The following FBXW10 variants were observed in gnomAD, a reference collection of about 807,000 sequenced individuals.
FBXW10 encodes the protein F-box/WD repeat-containing protein 10.
FBXW10 carries 68 observed loss-of-function variants against 113.1 expected under a neutral mutation model. The ratio of observed to expected loss-of-function variants is 0.60; its 90% CI spans 0.49 to 0.74. The LOEUF (loss-of-function observed/expected upper bound fraction) is 0.74, where lower values mean the gene tolerates loss of function less well. FBXW10 is among the 30% of genes least tolerant of loss of function. The pLI, the probability that FBXW10 is intolerant of heterozygous loss-of-function variation, is 0.00. For synonymous variants in FBXW10, 289 were observed against 481.6 expected, an observed-to-expected ratio of 0.60 and a Z score of 5.24; for missense variants, 753 against 1,284.5, an observed-to-expected ratio of 0.59 and a Z score of 6.32.
At position 18,766,674 on chromosome 17, in the gene FBXW10, T is replaced by C. The variant is rs756627325; in HGVS notation, c.1556-40T>C. 4 of 1,602,074 alleles carry C rather than the reference T, an allele frequency of 2.5e-6. No homozygotes were observed. The African/African-American group carries it at 5.4e-5, about 21-fold the overall frequency. On this transcript the variant is annotated intron_variant, in intron 8 of 13. Transcript: ENST00000395665. ...TGTAACCTTTCCTTTTCCCCCTTTTTCCCCACTCCCATGTCTTCCTCTCTC... is the reference window on the plus strand; with the variant it reads ...TGTAACCTTTCCTTTTCCCCCTTTTCCCCCACTCCCATGTCTTCCTCTCTC...
Position 18,772,453 on chromosome 17 carries a change from T to C in FBXW10, c.2048T>C (p.Phe683Ser), listed in dbSNP as rs1420593511. 4 of 1,614,118 alleles carry C rather than the reference T, an allele frequency of 2.5e-6. No individual in the cohort carries two copies. Among genetic ancestry groups the C allele is most frequent in the South Asian group, 1.1e-5 (1 of 91,072 alleles). The change falls in exon 12 of 14, where the codon TTT becomes TCT. Residue 683 changes from phenylalanine (F) to serine (S), a missense_variant. Transcript: ENST00000395665. ...NTESNVLMFQ[F>S]EHIKWQYAVE... is the part of the protein sequence containing the mutation. ...GAGAGCAATGTTCTCATGTTCCAGT[T>C]TGAGCACATAAAGTGGCAGTATGCC...
intron 5 of FBXW10, among the ~76,000 whole-genome samples, chr17:18,752,273 T>C (rs142357409): frequency 0.017 from 2,647 of 152,220 alleles, 73 homozygotes; most frequent in African/African-American, 0.058. Flanking sequence ...CTAATTATTG[T>C]CTTGAGAGAT....
chr17:18,756,182 T>G (rs1208674390), intron 6 of FBXW10, 28 bp downstream of exon 6: 4 of 1,605,570 alleles, frequency 2.5e-6, no homozygotes, highest in Non-Finnish European at 3.4e-6. Context: ...AATCTGGGTC[T>G]CTAGGGATGC....
At chr17:18,749,968 G>T (rs762433594) in intron 3 of FBXW10, 42 bp from the exon 4 acceptor site, 3 of 1,613,934 alleles carry the variant, frequency 1.9e-6, no homozygotes, top group Admixed American at 3.3e-5. Flanking sequence ...CTCCCCTCTT[G>T]GCCCAGTTCT....
chr17:18,747,117 G>A (rs564553540), intron 1 of FBXW10, among the ~76,000 whole-genome samples: 1 of 151,978 alleles, frequency 6.6e-6, no homozygotes, highest in African/African-American at 2.4e-5. Flanking sequence ...TAATAGAGAC[G>A]GGGTTTCACC....
At chr17:18,773,145 C>T (rs2035647602) in intron 12 of FBXW10, among the ~76,000 whole-genome samples, 1 of 151,850 alleles carries the variant, frequency 6.6e-6, no homozygotes, top group South Asian at 2.1e-4. Context: ...GTTGATCAGG[C>T]TGGTCTCAAA....
At position 18,778,545 on chromosome 17, in the gene FBXW10, G is replaced by T. The variant is rs766712663; in HGVS notation, c.2406G>T (p.Lys802Asn). The T allele has an allele frequency of 6.2e-7, 1 of 1,605,024 alleles. No individual in the cohort carries two copies. ...CTGGAAAACTGCCCAGTCACCCAAA[G>T]AAAAAGTCTTGGAAAATCCCTATGT... is the stretch of plus-strand genomic sequence containing the variant. ...ETPGKLPSHP[K>N]KKSWKIPMSP... Residue 802 changes from lysine (K) to asparagine (N), a missense_variant, in exon 14 of 14, where the codon AAG becomes AAT. Physicochemically the swap from Lys to Asn is moderately conservative, Grantham distance 94. Coordinates refer to ENST00000395665, the MANE Select transcript of FBXW10 (RefSeq NM_001267585.2).
In FBXW10 at chr17:18,769,995, T is replaced by C; in HGVS notation, c.1916T>C (p.Ile639Thr). The change falls in exon 11 of 14, where the codon ATT becomes ACT. Residue 639 changes from isoleucine (I) to threonine (T), a missense_variant. By Grantham distance (89) the Ile-to-Thr change is moderately conservative. Transcript: ENST00000395665. Reference sequence around the variant, plus strand: ...GCCTGTGCAGATGGCAAGATCCGAATTTACAATTTCCTCAACGGGAACTGT... The same window carrying C: ...GCCTGTGCAGATGGCAAGATCCGAACTTACAATTTCCTCAACGGGAACTGT... ...ISACADGKIRIYNFLNGNCMK... is the reference protein window; with the variant it reads ...ISACADGKIRTYNFLNGNCMK... The C allele has an allele frequency of 6.2e-7, 1 of 1,614,216 alleles. No homozygotes were observed. The highest frequency in any genetic ancestry group is 1.6e-4 in the Middle Eastern group (1 of 6,062).
intron 5 of FBXW10, among the ~76,000 whole-genome samples, chr17:18,754,089 T>C (rs2035218182): frequency 6.6e-6 from 1 of 152,016 alleles, no homozygotes; most frequent in South Asian, 2.1e-4. Context: ...GATTTCACCA[T>C]AGATCGAGGA....
intron 2 of FBXW10, 80 bp from the exon 3 acceptor site, chr17:18,749,642 C>T (rs1410270944): frequency 6.2e-7 from 1 of 1,601,132 alleles, no homozygotes; most frequent in Non-Finnish European, 8.5e-7. Context: ...TCTGGGAGAG[C>T]TTTTGGTGGG....
At chr17:18,776,957 T>C (rs1366360939) in intron 13 of FBXW10, among the ~76,000 whole-genome samples, 2 of 151,674 alleles carry the variant, frequency 1.3e-5, no homozygotes, top group Non-Finnish European at 2.9e-5. Flanking sequence ...GACAAATTAA[T>C]AAACAATGAG....
chr17:18,777,645 G>C (rs924884336), intron 13 of FBXW10, among the ~76,000 whole-genome samples: 8 of 151,288 alleles, frequency 5.3e-5, no homozygotes, highest in Admixed American at 5.3e-4. Flanking sequence ...CTGGGTTCAT[G>C]CCATTCTCCT....
At chr17:18,772,712 G>C in intron 12 of FBXW10, 29 bp downstream of exon 12, 1 of 1,596,916 alleles carries the variant, frequency 6.3e-7, no homozygotes. Flanking sequence ...AGCAAGTTCA[G>C]TGATAACCCA....
chr17:18,765,590 C>T (rs1315365040), intron 8 of FBXW10, among the ~76,000 whole-genome samples: 1 of 152,154 alleles, frequency 6.6e-6, no homozygotes, highest in Non-Finnish European at 1.5e-5. Flanking sequence ...TAGTGCCATG[C>T]AAGTGTCAAC....
At chr17:18,754,934 G>A (rs1305329945) in intron 5 of FBXW10, among the ~76,000 whole-genome samples, 1 of 152,182 alleles carries the variant, frequency 6.6e-6, no homozygotes, top group Non-Finnish European at 1.5e-5. Flanking sequence ...CAGCTACAAG[G>A]ACAAATGAAA....
At chr17:18,765,837 C>T (rs2035486228) in intron 8 of FBXW10, among the ~76,000 whole-genome samples, 2 of 152,080 alleles carry the variant, frequency 1.3e-5, no homozygotes, top group African/African-American at 4.8e-5. Context: ...AGTGATTCTC[C>T]TGCCTCAGCC....
intron 7 of FBXW10, 152 bp from the exon 8 acceptor site, chr17:18,764,590 T>C (rs2035450267): frequency 8.6e-7 from 1 of 1,157,946 alleles, no homozygotes; most frequent in East Asian, 2.5e-5. Context: ...AAATAGGTGC[T>C]GCAGCTGGGA....
intron 5 of FBXW10, among the ~76,000 whole-genome samples, chr17:18,752,623 G>GAATGGT (rs2035190975): frequency 6.6e-6 from 1 of 151,480 alleles, no homozygotes; most frequent in South Asian, 2.1e-4. Flanking sequence ...TGAGGCAGGA[G>GAATGGT]AATGGTGTGA....
intron 1 of FBXW10, chr17:18,745,141 T>C (rs958511676): frequency 1.2e-4 from 124 of 1,075,660 alleles, no homozygotes; most frequent in Non-Finnish European, 1.3e-4. Context: ...GTTTTTCTCT[T>C]CAGCTGCCCT....
Sources: allele counts gnomAD v4.1 joint callset (sites outside exome capture counted in the v4.1 genomes callset), GRCh38; gene constraint gnomAD v4.1.1; transcripts MANE v1.5; gene names NCBI Gene and HGNC (gene_info 2026-07-23, HGNC 2026-07-21).